Variants in HSPG2 observed in about 807,000 individuals in gnomAD.
The protein encoded by HSPG2 is basement membrane-specific heparan sulfate proteoglycan core protein.
A neutral mutation model predicts 526.6 loss-of-function variants in HSPG2; 278 were observed. That is an observed-to-expected ratio of 0.53 (90% CI 0.48 to 0.58). HSPG2 has a LOEUF of 0.58. HSPG2 is among the 20% of genes least tolerant of loss of function. The probability of loss-of-function intolerance (pLI) is 0.00; values close to 1 mark genes in which losing one functional copy is unlikely to be tolerated. For synonymous variants in HSPG2, 2,465 were observed against 2,555.4 expected (o/e 0.96, Z 1.07); for missense variants, 5,354 against 6,099.5 (o/e 0.88, Z 4.07).
chr1:21,832,802 C>T, intron 80 of HSPG2, 196 bp from the exon 81 acceptor site: 1 of 601,988 alleles, frequency 1.7e-6, no homozygotes, highest in Non-Finnish European at 3.0e-6. Context: ...ACTGAGCGCC[C>T]CTAGAAAGAA....
At position 21,855,320 on chromosome 1, in the gene HSPG2, C is replaced by T. The variant is rs1294780122; in HGVS notation, c.5981G>A (p.Gly1994Asp). 1.2e-6 allele frequency: 2 copies of T among 1,605,848 alleles called. No individual in the cohort carries two copies. Among genetic ancestry groups the T allele is most frequent in the African/African-American group, 1.3e-5 (1 of 74,828 alleles). ...TCTCCTCACCTGTGGTGGGAGGCTG[C>T]CCCCTTCCTTCCTCCAGGTGATGGT... is the stretch of plus-strand genomic sequence containing the variant. ...SATITWRKEG[G>D]SLPPQARSER... The change falls in exon 47 of 97, where the codon GGC becomes GAC. Residue 1994 changes from glycine to aspartate, a missense_variant. Coordinates refer to ENST00000374695, the MANE Select transcript of HSPG2 (RefSeq NM_005529.7).
chr1:21,822,311 A>G lies in HSPG2; in HGVS notation c.*1005T>C, dbSNP rs2097953778. The stretch of plus-strand genomic sequence containing the variant: ...ACCACAGGAGGGTCCCTTCTAGGAC[A>G]CAGAGGCCAGGCGTCCCAACCCCAC... On this transcript the variant is annotated 3_prime_UTR_variant, in exon 97 of 97. Transcript: ENST00000374695. 7.5e-7 allele frequency: 1 copy of G among 1,336,566 alleles called. No homozygotes were observed. The highest frequency in any genetic ancestry group is 1.7e-5 in the Admixed American group (1 of 57,490). 82.8% of individuals were successfully genotyped at this position (1,336,566 alleles called of 1,614,324 possible). A position where few individuals can be genotyped will look rare whatever the true frequency, so the allele number is the denominator to read the frequency against.
rs2097988736 is a variant in HSPG2, at chr1:21,828,825, C to CT, written c.12237+9dup. On this transcript the variant is annotated intron_variant, in intron 88 of 96. Coordinates refer to ENST00000374695, the MANE Select transcript of HSPG2 (RefSeq NM_005529.7). The surrounding 1 kb of genome is among the most constrained non-coding windows in gnomAD (Gnocchi z 6.0). ...TCCCCTCCCGCTTGTCCCGAGGAGG[C>CT]TGCTCTTACCTCGCCCACACAGCCG... 2 of 1,549,882 alleles carry CT rather than the reference C, an allele frequency of 1.3e-6. No individual in the cohort carries two copies. The highest frequency in any genetic ancestry group is 2.7e-5 in the African/African-American group (2 of 72,990).
chr1:21,884,210 C>T (rs952246174), intron 13 of HSPG2, among the ~76,000 whole-genome samples: 2 of 152,130 alleles, frequency 1.3e-5, no homozygotes, highest in African/African-American at 4.8e-5. Flanking sequence ...GATGACGAAA[C>T]AGACACGAGA....
intron 67 of HSPG2, 92 bp downstream of exon 67, chr1:21,842,678 C>A: frequency 6.5e-7 from 1 of 1,540,664 alleles, no homozygotes; most frequent in Admixed American, 1.7e-5. Context: ...GGTCCCCAAG[C>A]AGGCTGGTGT....
rs1339173211 is a variant in HSPG2 at position 21,872,395 on chromosome 1, A to AGGGG, written c.4030-22_4030-19dup. ...GTGGAGATCTGGCAGGGGAAAAAGG[A>AGGGG]GGGGGCGTCAGCCTGAGCACCGGGG... On this transcript the variant is annotated intron_variant, in intron 32 of 96. Transcript: ENST00000374695. This position sits in a 1 kb window ranked among gnomAD's most constrained non-coding sequence, Gnocchi z 5.5. The AGGGG allele has an allele frequency of 6.5e-7, 1 of 1,549,140 alleles. No individual in the cohort carries two copies. Among genetic ancestry groups the AGGGG allele is most frequent in the South Asian group, 1.2e-5 (1 of 82,650 alleles).
rs1639526604 is a variant in HSPG2, at chr1:21,858,593, C to T, written c.5293+973G>A. Among the ~76,000 whole-genome samples the T allele has an allele frequency of 6.6e-6, 1 of 152,264 alleles. No homozygotes were observed. The highest frequency in any genetic ancestry group is 1.5e-5 in the Non-Finnish European group (1 of 68,052). ...GAGATATCTTCCCAAACATCTCAGA[C>T]TCTAACACGTCCAAAACAAACTTGC... On this transcript the variant is annotated intron_variant, in intron 42 of 96. Coordinates refer to ENST00000374695, the MANE Select transcript of HSPG2 (RefSeq NM_005529.7). This position sits in a 1 kb window ranked among gnomAD's most constrained non-coding sequence, Gnocchi z 4.2.
rs62642498 is a variant in HSPG2, at chr1:21,829,417, G to A, written c.11958C>T (p.Gly3986=). The A allele has an allele frequency of 2.9e-4, 473 of 1,613,246 alleles. No homozygotes were observed. Among genetic ancestry groups the A allele is most frequent in the Non-Finnish European group, 3.8e-4 (452 of 1,179,896 alleles). Residue 3986 remains glycine (G), a synonymous_variant, in exon 87 of 97, where the codon GGC becomes GGT. Coordinates refer to ENST00000374695, the MANE Select transcript of HSPG2 (RefSeq NM_005529.7). ...VEDFVSLAMV[G]GHLEFRYELG... ...ACTCATAGCGGAACTCCAGGTGGCC[G>A]CCCACCATCGCCAGGGACACGAAGT...
chr1:21,855,304 CTGTGGTG>C lies in HSPG2; in HGVS notation c.5990_5996del (p.Pro1997ArgfsTer64). ...CTCCTGGGTGGGCCCATCTCCTCAC[CTGTGGTG>C]GGAGGCTGCCCCCTTCCTTCCTCCA... On this transcript the variant is annotated frameshift_variant and splice_region_variant, in exon 47 of 97. Coordinates refer to ENST00000374695, the MANE Select transcript of HSPG2 (RefSeq NM_005529.7). LOFTEE classifies it high-confidence loss of function. The C allele has an allele frequency of 6.2e-7, 1 of 1,602,690 alleles. No homozygotes were observed. The highest frequency in any genetic ancestry group is 8.5e-7 in the Non-Finnish European group (1 of 1,175,728).
At chr1:21,840,683 C>T (rs1308666668) in intron 71 of HSPG2, among the ~76,000 whole-genome samples, 1 of 152,036 alleles carries the variant, frequency 6.6e-6, no homozygotes, top group Non-Finnish European at 1.5e-5. Flanking sequence ...TCAGGTGATC[C>T]ACCCACTTTG....
In HSPG2 at chr1:21,823,025, G is replaced by A; in HGVS notation, c.*291C>T. The A allele has an allele frequency of 3.2e-6, 1 of 317,322 alleles. No homozygotes were observed. The highest frequency in any genetic ancestry group is 5.7e-6 in the Non-Finnish European group (1 of 174,504). The allele number at this position is 317,322 out of a possible 1,614,324, so 19.7% of individuals were successfully genotyped here. A position where few individuals can be genotyped will look rare whatever the true frequency, so the allele number is the denominator to read the frequency against. ...TGGGGGCTCCATCGGTGGGTAGGGGGACAGTGGGGGCAGTTCTGGGCCCAC... is the reference window on the plus strand; with the variant it reads ...TGGGGGCTCCATCGGTGGGTAGGGGAACAGTGGGGGCAGTTCTGGGCCCAC... On this transcript the variant is annotated 3_prime_UTR_variant, in exon 97 of 97. Transcript: ENST00000374695.
chr1:21,931,876 A>G (rs1001285109), intron 1 of HSPG2, among the ~76,000 whole-genome samples: 1 of 152,170 alleles, frequency 6.6e-6, no homozygotes, highest in Non-Finnish European at 1.5e-5. Context: ...CAGGACAACC[A>G]GGAGGGTGTT....
At chr1:21,929,244 C>T (rs1243256628) in intron 1 of HSPG2, among the ~76,000 whole-genome samples, 2 of 152,138 alleles carry the variant, frequency 1.3e-5, no homozygotes, top group Non-Finnish European at 2.9e-5. Context: ...CAAATGAACA[C>T]TCAGCAAGAT....
In HSPG2 at chr1:21,852,195, T is replaced by C. The variant is rs757535359; in HGVS notation, c.6763A>G (p.Thr2255Ala). 17 of 1,613,892 alleles carry C rather than the reference T, an allele frequency of 1.1e-5. No individual in the cohort carries two copies. Among genetic ancestry groups the C allele is most frequent in the Non-Finnish European group, 1.4e-5 (17 of 1,180,028 alleles). ...PPVRIESSSS[T>A]VAEGQTLDLS... The stretch of plus-strand genomic sequence containing the variant: ...TCCAGGGTCTGGCCCTCGGCCACTG[T>C]GGAGGATGAAGACTCGATCCTGACA... The change falls in exon 53 of 97, where the codon ACA (threonine) becomes GCA (alanine). Residue 2255 changes from threonine (T) to alanine (A), a missense_variant. Coordinates refer to ENST00000374695, the MANE Select transcript of HSPG2 (RefSeq NM_005529.7).
intron 14 of HSPG2, 152 bp from the exon 15 acceptor site, chr1:21,880,987 G>T: frequency 1.2e-6 from 1 of 860,088 alleles, no homozygotes; most frequent in Non-Finnish European, 1.9e-6. Context: ...GGGAAACCGA[G>T]ATGGGCGAGA....
chr1:21,910,785 G>C (rs2152787512), intron 1 of HSPG2, among the ~76,000 whole-genome samples: 1 of 152,124 alleles, frequency 6.6e-6, no homozygotes, highest in Non-Finnish European at 1.5e-5. Context: ...CCAGCTCTCA[G>C]CTTGAGCACA....
chr1:21,926,732 AG>A (rs1644201866), intron 1 of HSPG2, among the ~76,000 whole-genome samples: 1 of 137,310 alleles, frequency 7.3e-6, no homozygotes, highest in Non-Finnish European at 1.5e-5. Context: ...ACTACACTTC[AG>A]GCTGGGAGAC....
At position 21,830,090 on chromosome 1, in the gene HSPG2, CTCTGGGGGGCACAT is replaced by C. The variant is rs1557675214; in HGVS notation, c.11672-13_11672del. Reference sequence around the variant, plus strand: ...CACAGGTGGCGTCGGGCCCACAGGCCTCTGGGGGGCACATAGGCCAGTGAAAAGACACGGAGGTG... The same window carrying C: ...CACAGGTGGCGTCGGGCCCACAGGCCAGGCCAGTGAAAAGACACGGAGGTG... On this transcript the variant is annotated splice_acceptor_variant and splice_polypyrimidine_tract_variant and coding_sequence_variant and intron_variant, in exon 86 of 97. Transcript: ENST00000374695. LOFTEE classifies it high-confidence loss of function. 6.3e-7 allele frequency: 1 copy of C among 1,592,384 alleles called. No individual in the cohort carries two copies. The highest frequency in any genetic ancestry group is 1.1e-5 in the South Asian group (1 of 87,990).
chr1:21,852,785 T>C lies in HSPG2; in HGVS notation c.6639A>G (p.Ser2213=). The C allele has an allele frequency of 6.2e-7, 1 of 1,612,926 alleles. No individual in the cohort carries two copies. The highest frequency in any genetic ancestry group is 8.5e-7 in the Non-Finnish European group (1 of 1,179,876). ...CCACCACATGGCACACATACTCGCC[T>C]GAGTCGGCCGGGGTCACCTGGTGCA... ...LRLHQVTPAD[S]GEYVCHVVGT... The change falls in exon 52 of 97, where the codon TCA becomes TCG. Residue 2213 remains serine (S), a synonymous_variant. Transcript: ENST00000374695.
Sources: gnomAD v4.1 joint callset for allele counts (sites outside exome capture counted in the v4.1 genomes callset) on GRCh38, gnomAD v4.1.1 for gene constraint, Gnocchi (gnomAD v3.1) non-coding constraint, MANE v1.5 for transcripts, NCBI Gene and HGNC (gene_info 2026-07-23, HGNC 2026-07-21) for gene names.